The following SLC1A6 variants were observed in gnomAD, a reference collection of about 807,000 sequenced individuals.
SLC1A6 encodes excitatory amino acid transporter 4.
Under a neutral mutation model 42.1 loss-of-function variants are expected in SLC1A6, and 15 were observed. The ratio of observed to expected loss-of-function variants is 0.36; its 90% confidence interval spans 0.24 to 0.55. SLC1A6 has a LOEUF of 0.55. SLC1A6 is among the 20% of genes least tolerant of loss of function. The pLI, the probability that SLC1A6 is intolerant of heterozygous loss-of-function variation, is 0.88. For missense variants in SLC1A6, 542 were observed against 772.5 expected (o/e 0.70, Z 3.54); for synonymous variants, 317 against 319.7 (o/e 0.99, Z 0.09).
intron 1 of SLC1A6, among the ~76,000 whole-genome samples, chr19:14,996,461 T>TCTCCTC (rs922888266): frequency 3.3e-5 from 5 of 151,976 alleles, no homozygotes; most frequent in Admixed American, 2.0e-4. Flanking sequence ...GTCAGTTTGT[T>TCTCCTC]CTCCTCCTCC....
At chr19:14,954,004 A>G (rs1227169519) in intron 8 of SLC1A6, 131 bp downstream of exon 8, 3 of 780,880 alleles carry the variant, frequency 3.8e-6, no homozygotes. Flanking sequence ...CTCTTCCCAC[A>G]TCCCGCTTCC....
At position 14,993,806 on chromosome 19, in the gene SLC1A6, A is replaced by G. The variant is rs111923590; in HGVS notation, c.6+16679T>C. Reference sequence around the variant, plus strand: ...TGCTCCTTCAGCTGAGTGCTTGCAGACAGGATGGTTGGGTGCAGGTGGGCA... The same window carrying G: ...TGCTCCTTCAGCTGAGTGCTTGCAGGCAGGATGGTTGGGTGCAGGTGGGCA... On this transcript the variant is annotated intron_variant, in intron 1 of 8. Transcript: ENST00000430939. Among the ~76,000 whole-genome samples, 10 of 152,276 alleles carry G rather than the reference A, an allele frequency of 6.6e-5. No homozygotes were observed. In the Middle Eastern group the frequency reaches 0.01, roughly 155 times the overall value.
chr19:14,970,659 G>C (rs951933858), intron 3 of SLC1A6, among the ~76,000 whole-genome samples: 1 of 151,776 alleles, frequency 6.6e-6, no homozygotes, highest in Non-Finnish European at 1.5e-5. Flanking sequence ...TGCAGTGAGC[G>C]GAGATTGTGC....
intron 9 of SLC1A6, among the ~76,000 whole-genome samples, chr19:14,951,078 C>CAAAAAAAAAAAAA (rs59828742): frequency 7.5e-5 from 6 of 79,770 alleles, no homozygotes; most frequent in African/African-American, 1.0e-4. Context: ...ACTAAAAATA[C>CAAAAAAAAAAAAA]AAAAAAAAAA....
Position 14,962,057 on chromosome 19 carries a change from C to T in SLC1A6, c.880G>A (p.Asp294Asn). ...GCCTCATTGAGGCTGTCGAAGAAGT[C>T]CCTGAGGACTCTGCCCTTGTGTTTC... ...GMKHKGRVLRDFFDSLNEAIM... is the reference protein window; with the variant it reads ...GMKHKGRVLRNFFDSLNEAIM... The change falls in exon 6 of 10, where the codon GAC (aspartate) becomes AAC (asparagine). Residue 294 changes from aspartate (D) to asparagine (N), a missense_variant. This residue lies in a region of SLC1A6 where 298 missense variants were observed against 419.4 expected (regional missense o/e 0.71). Transcript: ENST00000594383. 6.2e-7 allele frequency: 1 copy of T among 1,614,148 alleles called. No homozygotes were observed. Among genetic ancestry groups the T allele is most frequent in the African/African-American group, 1.3e-5 (1 of 75,022 alleles).
chr19:14,981,296 A>G (rs919790089), upstream of SLC1A6, among the ~76,000 whole-genome samples: 2 of 152,090 alleles, frequency 1.3e-5, no homozygotes, highest in East Asian at 3.8e-4. Context: ...TTGTCTAAAA[A>G]AAAAAAAAGG....
At chr19:14,972,680 C>T in intron 2 of SLC1A6, 26 bp downstream of exon 2, 1 of 1,604,196 alleles carries the variant, frequency 6.2e-7, no homozygotes. Flanking sequence ...CCCTGAAGTC[C>T]CCGCCCTCCA....
At chr19:14,971,171 T>TGTG (rs2045635937) in intron 3 of SLC1A6, among the ~76,000 whole-genome samples, 1 of 152,230 alleles carries the variant, frequency 6.6e-6, no homozygotes, top group African/African-American at 2.4e-5. Flanking sequence ...TTTTTTACTG[T>TGTG]GTGGGGGTTG....
intron 6 of SLC1A6, 38 bp downstream of exon 6, chr19:14,961,964 C>G: frequency 6.4e-7 from 1 of 1,568,714 alleles, no homozygotes; most frequent in Non-Finnish European, 8.6e-7. Context: ...CTTCCCAGCT[C>G]TGGCTCCACC....
chr19:14,969,771 G>T (rs2045616553), intron 3 of SLC1A6, among the ~76,000 whole-genome samples: 1 of 152,108 alleles, frequency 6.6e-6, no homozygotes, highest in South Asian at 2.1e-4. Context: ...GCCAAATCCG[G>T]CCCTCTGCCT....
chr19:14,980,653 T>TAAAAAA (rs2045761361), upstream of SLC1A6, among the ~76,000 whole-genome samples: 2 of 61,280 alleles, frequency 3.3e-5, no homozygotes, highest in African/African-American at 8.1e-5. Context: ...CGAGACTCCG[T>TAAAAAA]CAAAAAAAAA....
chr19:14,990,156 C>G (rs1345726274), intron 1 of SLC1A6, among the ~76,000 whole-genome samples: 1 of 151,930 alleles, frequency 6.6e-6, no homozygotes, highest in Non-Finnish European at 1.5e-5. Flanking sequence ...TCACAACAGT[C>G]AAGATATGGA....
At chr19:14,959,832 A>G (rs1466227464) in intron 6 of SLC1A6, among the ~76,000 whole-genome samples, 1 of 152,218 alleles carries the variant, frequency 6.6e-6, no homozygotes. Context: ...GACCTTCTTC[A>G]TGACTCCCTC....
Position 14,987,232 on chromosome 19 carries a change from G to A in SLC1A6, c.7-14315C>T, listed in dbSNP as rs542104449. Among the ~76,000 whole-genome samples the A allele has an allele frequency of 2.6e-5, 4 of 152,220 alleles. No homozygotes were observed. The East Asian group carries it at 7.7e-4, about 29-fold the overall frequency. ...ACCTGTAATCCCAGCACTTTGGGAA[G>A]CCGAGGTGAGCGGATCATGAGGTCA... On this transcript the variant is annotated intron_variant, in intron 1 of 8. Coordinates refer to the SLC1A6 transcript ENST00000430939.
At chr19:14,954,419 G>T in intron 7 of SLC1A6, 90 bp from the exon 8 acceptor site, 2 of 1,190,318 alleles carry the variant, frequency 1.7e-6, no homozygotes, top group Non-Finnish European at 2.4e-6. Flanking sequence ...GCAGGGCAGA[G>T]AATGGGGCGT....
chr19:14,997,978 A>G (rs1191838235), intron 1 of SLC1A6, among the ~76,000 whole-genome samples: 2 of 148,352 alleles, frequency 1.3e-5, no homozygotes, highest in East Asian at 2.0e-4. Flanking sequence ...AAAATTGCAT[A>G]TATTTATGAT....
intron 6 of SLC1A6, among the ~76,000 whole-genome samples, chr19:14,958,845 TA>T (rs1483730405): frequency 6.6e-6 from 1 of 152,216 alleles, no homozygotes; most frequent in East Asian, 1.9e-4. Context: ...TATTCCTTGT[TA>T]ACTCTCTGCT....
At chr19:14,959,942 T>TTAAC (rs1177061733) in intron 6 of SLC1A6, among the ~76,000 whole-genome samples, 1 of 152,212 alleles carries the variant, frequency 6.6e-6, no homozygotes, top group Non-Finnish European at 1.5e-5. Flanking sequence ...TACCACCTTG[T>TTAAC]GTTATATTGA....
intron 1 of SLC1A6, among the ~76,000 whole-genome samples, chr19:14,997,915 G>C (rs182727546): frequency 7.9e-5 from 12 of 151,848 alleles, no homozygotes; most frequent in Non-Finnish European, 1.2e-4. Context: ...GCATTTCTTG[G>C]CTTGTATATC....
Sources: gnomAD v4.1 joint callset for allele counts (sites outside exome capture counted in the v4.1 genomes callset) on GRCh38, gnomAD v4.1.1 for gene constraint, gnomAD v4.1.1 regional missense constraint, MANE v1.5 for transcripts, NCBI Gene and HGNC (gene_info 2026-07-23, HGNC 2026-07-21) for gene names.